Variants in DNAH7 observed in about 807,000 individuals in gnomAD.
DNAH7 encodes the protein axonemal beta dynein heavy chain 7.
In DNAH7, 397 loss-of-function variants were observed where a neutral mutation model predicts 444.6. That is an observed-to-expected ratio of 0.89 (90% CI 0.82 to 0.97). DNAH7 has a LOEUF of 0.97. Ranked by LOEUF, DNAH7 falls within the 50% of genes least tolerant of loss-of-function variation. The probability of loss-of-function intolerance (pLI) is 0.00; values close to 1 mark genes in which losing one functional copy is unlikely to be tolerated. For synonymous variants in DNAH7, 1,636 were observed against 1,624.4 expected (o/e 1.01, Z -0.17); for missense variants, 4,902 against 4,800.8 (o/e 1.02, Z -0.62).
Position 195,737,832 on chromosome 2 carries a change from A to AAAC in DNAH7, c.*86_*88dup, listed in dbSNP as rs1197169227. Reference sequence around the variant, plus strand: ...TAACTTTAGTCAAATGTATTTAAACAAACAAAAAAAAAGGTTTAAGTAGTA... The same window carrying AAAC: ...TAACTTTAGTCAAATGTATTTAAACAAACAACAAAAAAAAAGGTTTAAGTAGTA... On this transcript the variant is annotated 3_prime_UTR_variant, in exon 65 of 65. Transcript: ENST00000312428. 11 of 1,224,176 alleles carry AAAC rather than the reference A, an allele frequency of 9.0e-6. No individual in the cohort carries two copies. The African/African-American group carries it at 1.7e-4, about 19-fold the overall frequency. 75.8% of individuals were successfully genotyped at this position (1,224,176 alleles called of 1,614,324 possible).
intron 12 of DNAH7, among the ~76,000 whole-genome samples, chr2:195,992,319 G>A (rs1693394846): frequency 6.6e-6 from 1 of 152,166 alleles, no homozygotes; most frequent in African/African-American, 2.4e-5. Context: ...GTGTGTGAAG[G>A]GAGGAGACCA....
rs145357683 is a variant in DNAH7, at chr2:195,934,427, C to G, written c.3471+164G>C. On this transcript the variant is annotated intron_variant, in intron 21 of 64. Transcript: ENST00000312428. ...TTTCCAGTGAGTCACTACAAAATTA[C>G]TATCATAGAACATCTCTTTGCCTTC... 1.9e-3 allele frequency among the ~76,000 whole-genome samples: 290 copies of G among 152,320 alleles called. 1 individual carries two copies. Among genetic ancestry groups the G allele is most frequent in the African/African-American group, 6.6e-3 (273 of 41,584 alleles).
At chr2:195,931,269 G>C (rs1181338470) in intron 21 of DNAH7, among the ~76,000 whole-genome samples, 1 of 152,118 alleles carries the variant, frequency 6.6e-6, no homozygotes, top group Admixed American at 6.5e-5. Flanking sequence ...TTGTTGATGG[G>C]GTTGTTGTTT....
chr2:196,065,584 CA>C (rs927353989), intron 1 of DNAH7, among the ~76,000 whole-genome samples: 1 of 152,022 alleles, frequency 6.6e-6, no homozygotes, highest in African/African-American at 2.4e-5. Context: ...AGGAATTATC[CA>C]AAAAAGGCAC....
At chr2:196,041,140 T>C (rs970211246) in intron 5 of DNAH7, among the ~76,000 whole-genome samples, 8 of 152,018 alleles carry the variant, frequency 5.3e-5, no homozygotes, top group African/African-American at 1.9e-4. Flanking sequence ...AAGCAATCTA[T>C]ACATTCAATA....
intron 60 of DNAH7, among the ~76,000 whole-genome samples, chr2:195,772,687 T>C (rs1444365069): frequency 6.6e-6 from 1 of 152,156 alleles, no homozygotes; most frequent in Non-Finnish European, 1.5e-5. Context: ...GTTTCTGTAC[T>C]ATAAATATTA....
intron 15 of DNAH7, 116 bp from the exon 16 acceptor site, chr2:195,972,582 G>A (rs1451821227): frequency 1.2e-5 from 9 of 735,492 alleles, no homozygotes; most frequent in Admixed American, 5.2e-5. Context: ...AACACTTTTG[G>A]TTCAAAATCA....
chr2:195,796,787 C>A, intron 55 of DNAH7, 50 bp from the exon 56 acceptor site: 1 of 1,549,690 alleles, frequency 6.5e-7, no homozygotes, highest in Non-Finnish European at 8.7e-7. Flanking sequence ...TTTTAAGAAA[C>A]ATCAATATTG....
intron 14 of DNAH7, among the ~76,000 whole-genome samples, chr2:195,985,635 C>T (rs929773100): frequency 2.2e-4 from 34 of 152,170 alleles, no homozygotes; most frequent in Middle Eastern, 3.4e-3. Context: ...TGTCCTCTGT[C>T]CATCCTAGGG....
intron 47 of DNAH7, among the ~76,000 whole-genome samples, chr2:195,834,677 C>T (rs759930324): frequency 2.3e-4 from 35 of 152,188 alleles, no homozygotes; most frequent in Non-Finnish European, 8.8e-5. Flanking sequence ...TGACAACCAT[C>T]AAGAGGACTG....
chr2:196,051,689 C>G (rs2125864577), intron 2 of DNAH7, among the ~76,000 whole-genome samples: 1 of 152,200 alleles, frequency 6.6e-6, no homozygotes, highest in African/African-American at 2.4e-5. Context: ...ATGGCGTGAA[C>G]CCAGGAGGCG....
intron 29 of DNAH7, among the ~76,000 whole-genome samples, chr2:195,897,056 C>G (rs1702360228): frequency 6.6e-6 from 1 of 152,132 alleles, no homozygotes; most frequent in African/African-American, 2.4e-5. Context: ...AGTCCAACAT[C>G]TAACATTTAG....
Position 195,864,517 on chromosome 2 carries a change from A to T in DNAH7, c.7138T>A (p.Leu2380Ile). Residue 2380 changes from leucine to isoleucine, a missense_variant, in exon 41 of 65, where the codon TTA becomes ATA. Physicochemically the swap from Leu to Ile is conservative, Grantham distance 5. Transcript: ENST00000312428. ...GCACATTTCCTTAAGATCACTTTTA[A>T]ATCTTCATGCCATTCAGTAGTATCA... ...GYDTTEWHEDLKVILRKCAEG... is the reference protein window; with the variant it reads ...GYDTTEWHEDIKVILRKCAEG... 6.2e-7 allele frequency: 1 copy of T among 1,614,172 alleles called. No homozygotes were observed. The highest frequency in any genetic ancestry group is 8.5e-7 in the Non-Finnish European group (1 of 1,180,024).
intron 58 of DNAH7, among the ~76,000 whole-genome samples, chr2:195,780,885 A>G (rs1024212946): frequency 1.3e-5 from 2 of 152,132 alleles, no homozygotes; most frequent in African/African-American, 4.8e-5. Flanking sequence ...AAGTGCATAG[A>G]TCTGACATTC....
rs370243570 is a variant in DNAH7 at position 195,876,660 on chromosome 2, G to A, written c.6001C>T (p.Pro2001Ser). Reference sequence around the variant, plus strand: ...TGTGCTGAGAAGTTAATTAGCAGAGGTTTGTAGATTTCCTTATTTAGTTGA... The same window carrying A: ...TGTGCTGAGAAGTTAATTAGCAGAGATTTGTAGATTTCCTTATTTAGTTGA... Reference protein sequence around the residue: ...LNQLNKEIYKPLLINFSAQTT... With the variant: ...LNQLNKEIYKSLLINFSAQTT... The change falls in exon 37 of 65, where the codon CCT becomes TCT. Residue 2001 changes from proline to serine, a missense_variant. Coordinates refer to ENST00000312428, the MANE Select transcript of DNAH7 (RefSeq NM_018897.3). 136 of 1,605,796 alleles carry A rather than the reference G, an allele frequency of 8.5e-5. No individual in the cohort carries two copies. The highest frequency in any genetic ancestry group is 1.1e-4 in the Non-Finnish European group (125 of 1,173,266).
At chr2:195,957,147 G>A (rs1690722729) in intron 19 of DNAH7, 114 bp downstream of exon 19, 2 of 864,980 alleles carry the variant, frequency 2.3e-6, no homozygotes, top group Non-Finnish European at 1.7e-6. Flanking sequence ...GACAATGTAT[G>A]TATGAAACAG....
At chr2:195,834,176 G>A in intron 48 of DNAH7, 30 bp downstream of exon 48, 1 of 1,582,262 alleles carries the variant, frequency 6.3e-7, no homozygotes, top group Non-Finnish European at 8.6e-7. Flanking sequence ...AGGCAGTTCT[G>A]TAATGTATCT....
intron 47 of DNAH7, among the ~76,000 whole-genome samples, chr2:195,844,198 C>T (rs919659104): frequency 2.6e-5 from 4 of 152,200 alleles, no homozygotes; most frequent in African/African-American, 7.2e-5. Flanking sequence ...ATGCCTCAAA[C>T]ATTTTTACTT....
chr2:195,775,925 A>G lies in DNAH7; in HGVS notation c.11123T>C (p.Phe3708Ser). 1.2e-6 allele frequency: 2 copies of G among 1,614,206 alleles called. No homozygotes were observed. The highest frequency in any genetic ancestry group is 1.7e-6 in the Non-Finnish European group (2 of 1,180,030). Residue 3708 changes from phenylalanine to serine, a missense_variant, in exon 60 of 65, where the codon TTT (phenylalanine) becomes TCT (serine). Coordinates refer to ENST00000312428, the MANE Select transcript of DNAH7 (RefSeq NM_018897.3). ...TLPLTPAPEI[F>S]GMNANADITK... Reference sequence around the variant, plus strand: ...GATATCTGCATTGGCATTCATCCCAAAGATTTCTGGTGCTGGGGTCAGTGG... The same window carrying G: ...GATATCTGCATTGGCATTCATCCCAGAGATTTCTGGTGCTGGGGTCAGTGG...
Sources: gnomAD v4.1 joint callset for allele counts (sites outside exome capture counted in the v4.1 genomes callset) on GRCh38, gnomAD v4.1.1 for gene constraint, MANE v1.5 for transcripts, NCBI Gene and HGNC (gene_info 2026-07-23, HGNC 2026-07-21) for gene names.